YY1: variants seen among roughly 807,000 people sequenced by gnomAD.
YY1 encodes transcriptional repressor protein YY1.
Under a neutral mutation model 35.6 loss-of-function variants are expected in YY1, and 2 were observed. The ratio of observed to expected loss-of-function variants is 0.06; its 90% CI spans 0.02 to 0.18. The LOEUF is 0.18. YY1 is among the 10% of genes least tolerant of loss of function. The pLI, the probability that YY1 is intolerant of heterozygous loss-of-function variation, is 1.00. For missense variants in YY1, 322 were observed against 573.4 expected (o/e 0.56, Z 4.48); for synonymous variants, 268 against 238.9 (o/e 1.12, Z -1.12).
At position 100,276,782 on chromosome 14, in the gene YY1, C is replaced by T; in HGVS notation, c.1062+134C>T. On this transcript the variant is annotated intron_variant, in intron 4 of 4. Transcript: ENST00000262238. This position sits in a 1 kb window ranked among gnomAD's most constrained non-coding sequence, Gnocchi z 4.1. ...TATTACTCCTTGGTGAGAAACAAAA[C>T]TTCTCCTGGGGAGTCGCTTAGAAGG... is the stretch of plus-strand genomic sequence containing the variant. 1 of 1,383,342 alleles carries T rather than the reference C, an allele frequency of 7.2e-7. No individual in the cohort carries two copies. The highest frequency in any genetic ancestry group is 1.0e-6 in the Non-Finnish European group (1 of 998,740). The allele number at this position is 1,383,342 out of a possible 1,614,324, so 85.7% of individuals were successfully genotyped here.
intron 1 of YY1, among the ~76,000 whole-genome samples, chr14:100,254,779 T>TA (rs35689841): frequency 1.8e-5 from 2 of 108,204 alleles, no homozygotes; most frequent in African/African-American, 7.5e-5. Context: ...TTATTTATTT[T>TA]TTTTTTTTTT....
At chr14:100,258,319 G>A (rs553922035) in intron 1 of YY1, among the ~76,000 whole-genome samples, 1 of 152,184 alleles carries the variant, frequency 6.6e-6, no homozygotes, top group Non-Finnish European at 1.5e-5. Context: ...AAGAATTTGA[G>A]TCCTGGGTTT....
intron 1 of YY1, among the ~76,000 whole-genome samples, chr14:100,242,383 T>TTG (rs1452448389): frequency 6.2e-4 from 69 of 111,528 alleles, no homozygotes; most frequent in Non-Finnish European, 8.4e-4. Context: ...TTTTTGTTTT[T>TTG]TTTTTTTTTT....
At chr14:100,245,700 G>A (rs187743358) in intron 1 of YY1, among the ~76,000 whole-genome samples, 2 of 151,782 alleles carry the variant, frequency 1.3e-5, no homozygotes, top group African/African-American at 2.4e-5. Context: ...TCCACCTCCC[G>A]GGTTCACGAC....
chr14:100,256,183 TA>T (rs1191495485), intron 1 of YY1, among the ~76,000 whole-genome samples: 1 of 152,078 alleles, frequency 6.6e-6, no homozygotes, highest in African/African-American at 2.4e-5. Context: ...TCTCACAGAT[TA>T]CGATATAATT....
chr14:100,272,951 G>GTTT (rs1891264073), intron 2 of YY1, among the ~76,000 whole-genome samples: 1 of 73,108 alleles, frequency 1.4e-5, no homozygotes, highest in African/African-American at 7.0e-5. Context: ...CTAGTTTTTT[G>GTTT]TTGTTTTTTT....
intron 1 of YY1, among the ~76,000 whole-genome samples, chr14:100,251,504 T>C (rs1291070060): frequency 1.3e-5 from 2 of 152,166 alleles, no homozygotes; most frequent in Non-Finnish European, 2.9e-5. Flanking sequence ...TTTGTTACAG[T>C]GGTAATAGGA....
rs187802609 is a variant in YY1, at chr14:100,259,222, A to T, written c.680-3082A>T. 5.3e-5 allele frequency among the ~76,000 whole-genome samples: 8 copies of T among 152,332 alleles called. No homozygotes were observed. The East Asian group carries it at 1.5e-3, about 29-fold the overall frequency. ...GAAGACTTGTTTTTGGCCTCTGGGC[A>T]CTTCTGCTCTACCTTAAGAGGCAAG... On this transcript the variant is annotated intron_variant, in intron 1 of 4. Transcript: ENST00000262238.
At chr14:100,245,155 C>T (rs769247179) in intron 1 of YY1, among the ~76,000 whole-genome samples, 1 of 151,730 alleles carries the variant, frequency 6.6e-6, no homozygotes, top group South Asian at 2.1e-4. Context: ...CCAGGATGGT[C>T]TCGATCTCCT....
chr14:100,249,717 C>G (rs1300025157), intron 1 of YY1, among the ~76,000 whole-genome samples: 1 of 149,660 alleles, frequency 6.7e-6, no homozygotes, highest in Non-Finnish European at 1.5e-5. Flanking sequence ...AGAGTCAATT[C>G]TCAATTCAAA....
intron 2 of YY1, among the ~76,000 whole-genome samples, chr14:100,269,436 A>G (rs1437773911): frequency 4.6e-5 from 7 of 152,120 alleles, no homozygotes. Flanking sequence ...TGTTGTCATC[A>G]TTGTCTCCAG....
At chr14:100,251,878 T>C (rs1890930568) in intron 1 of YY1, among the ~76,000 whole-genome samples, 1 of 152,172 alleles carries the variant, frequency 6.6e-6, no homozygotes, top group Non-Finnish European at 1.5e-5. Flanking sequence ...TCCTCCTGCC[T>C]CGGCCTCCCA....
chr14:100,248,124 T>TTTTTTTC (rs1180370380), intron 1 of YY1, among the ~76,000 whole-genome samples: 2 of 141,466 alleles, frequency 1.4e-5, no homozygotes, highest in Admixed American at 7.0e-5. Context: ...TTTTTTTCTT[T>TTTTTTTC]TTTTTTTTTT....
In YY1 at chr14:100,239,919, C is replaced by T. The variant is rs1402672073; in HGVS notation, c.675C>T (p.Ser225=). 10 of 1,526,186 alleles carry T rather than the reference C, an allele frequency of 6.6e-6. No homozygotes were observed. The highest frequency in any genetic ancestry group is 7.9e-6 in the Non-Finnish European group (9 of 1,138,658). 94.5% of individuals were successfully genotyped at this position (1,526,186 alleles called of 1,614,324 possible). A position where few individuals can be genotyped will look rare whatever the true frequency, so the allele number is the denominator to read the frequency against. The change falls in exon 1 of 5, where the codon TCC becomes TCT. Residue 225 remains serine, a synonymous_variant. Coordinates refer to ENST00000262238, the MANE Select transcript of YY1 (RefSeq NM_003403.5). ...LEGEFSVTMW[S]SDEKKDIDHE... ...GCGAGTTCTCGGTCACCATGTGGTCCTCAGGTGAGCGCCGGCCGCGCGCCC... is the reference window on the plus strand; with the variant it reads ...GCGAGTTCTCGGTCACCATGTGGTCTTCAGGTGAGCGCCGGCCGCGCGCCC...
chr14:100,240,329 G>A (rs1890713861), intron 1 of YY1, among the ~76,000 whole-genome samples: 1 of 146,976 alleles, frequency 6.8e-6, no homozygotes, highest in South Asian at 2.1e-4. Flanking sequence ...GCGGGAGGTC[G>A]TTGGCGGGGC....
chr14:100,251,465 G>A (rs1890923231), intron 1 of YY1, among the ~76,000 whole-genome samples: 1 of 152,250 alleles, frequency 6.6e-6, no homozygotes. Context: ...ATAAATTCCT[G>A]TTGTTTCAAA....
At chr14:100,246,785 C>G (rs141366698) in intron 1 of YY1, among the ~76,000 whole-genome samples, 30 of 152,336 alleles carry the variant, frequency 2.0e-4, no homozygotes, top group African/African-American at 7.2e-4. Flanking sequence ...AGAAACTGCG[C>G]TGTTTATCAC....
intron 1 of YY1, among the ~76,000 whole-genome samples, chr14:100,240,358 GC>G (rs1413341405): frequency 6.7e-6 from 1 of 149,048 alleles, no homozygotes; most frequent in Non-Finnish European, 1.5e-5. Context: ...GGCCTCGCGG[GC>G]CAGGGATTGC....
In YY1 at chr14:100,239,717, A is replaced by G. The variant is rs778839522; in HGVS notation, c.473A>G (p.Lys158Arg). ...QTLVTVAAAG[K>R]SGGGGSSSSG... ...CTGGTCACCGTGGCGGCGGCCGGCA[A>G]GAGCGGCGGCGGCGGCTCGTCGTCG... Residue 158 changes from lysine to arginine, a missense_variant, in exon 1 of 5, where the codon AAG becomes AGG. Coordinates refer to ENST00000262238, the MANE Select transcript of YY1 (RefSeq NM_003403.5). The G allele has an allele frequency of 3.1e-6, 5 of 1,598,812 alleles. No homozygotes were observed. Among genetic ancestry groups the G allele is most frequent in the Non-Finnish European group, 4.2e-6 (5 of 1,176,648 alleles).
Sources: gnomAD v4.1 joint callset for allele counts (sites outside exome capture counted in the v4.1 genomes callset) on GRCh38, gnomAD v4.1.1 for gene constraint, Gnocchi (gnomAD v3.1) non-coding constraint, MANE v1.5 for transcripts, NCBI Gene and HGNC (gene_info 2026-07-23, HGNC 2026-07-21) for gene names.